The following TAF3 variants were observed in gnomAD, a reference collection of about 807,000 sequenced individuals.
TAF3 encodes transcription initiation factor TFIID subunit 3.
In TAF3, 7 loss-of-function variants were observed where a neutral mutation model predicts 80.6. The observed-to-expected ratio is 0.09, with a 90% confidence interval of 0.05 to 0.16. The LOEUF (loss-of-function observed/expected upper bound fraction) is 0.16. Among genes scored for constraint, TAF3 ranks in the 10% least tolerant of loss-of-function variants. The pLI is 1.00. For synonymous variants in TAF3, 444 were observed against 446.1 expected (o/e 1.00, Z 0.06); for missense variants, 921 against 1,140.2 (o/e 0.81, Z 2.77).
At chr10:7,897,644 T>TTCTC (rs147433457) in intron 2 of TAF3, among the ~76,000 whole-genome samples, 7 of 151,198 alleles carry the variant, frequency 4.6e-5, no homozygotes, top group African/African-American at 1.7e-4. Context: ...CTAGTTCCTA[T>TTCTC]TCTCTCTCTC....
chr10:7,829,929 A>C (rs900691651), intron 2 of TAF3, among the ~76,000 whole-genome samples: 1 of 152,252 alleles, frequency 6.6e-6, no homozygotes, highest in East Asian at 1.9e-4. Flanking sequence ...ACCCTTTAAA[A>C]GTAAACATTT....
intron 2 of TAF3, among the ~76,000 whole-genome samples, chr10:7,929,259 G>GTTT (rs35565870): frequency 3.4e-5 from 5 of 147,508 alleles, no homozygotes; most frequent in South Asian, 2.1e-4. Flanking sequence ...TTTTTTTGTT[G>GTTT]TTTTTTTTTT....
At chr10:7,877,891 CTAGT>C (rs1837325396) in intron 2 of TAF3, among the ~76,000 whole-genome samples, 1 of 152,116 alleles carries the variant, frequency 6.6e-6, no homozygotes, top group Non-Finnish European at 1.5e-5. Flanking sequence ...TGAGAAGGGA[CTAGT>C]TAATTTCTAT....
intron 2 of TAF3, among the ~76,000 whole-genome samples, chr10:7,915,781 C>G (rs1837706304): frequency 6.6e-6 from 1 of 151,750 alleles, no homozygotes; most frequent in Non-Finnish European, 1.5e-5. Flanking sequence ...GAGTTTGTGA[C>G]CAGCCTCGCC....
rs1335369107 is a variant in TAF3 at position 7,965,685 on chromosome 10, A to C, written c.2175A>C (p.Lys725Asn). 6.4e-7 allele frequency: 1 copy of C among 1,574,746 alleles called. No individual in the cohort carries two copies. Among genetic ancestry groups the C allele is most frequent in the Non-Finnish European group, 8.6e-7 (1 of 1,168,908 alleles). The change falls in exon 3 of 7, where the codon AAA becomes AAC. Residue 725 changes from lysine to asparagine, a missense_variant. Physicochemically the swap from Lys to Asn is moderately conservative, Grantham distance 94. Transcript: ENST00000344293. ...EKEKKEKERE[K>N]EKREREKREK... ...AGAAGAAGGAGAAGGAAAGAGAGAA[A>C]GAGAAGAGAGAGCGAGAGAAGAGAG...
intron 2 of TAF3, among the ~76,000 whole-genome samples, chr10:7,928,538 G>A (rs1478215274): frequency 6.6e-6 from 1 of 152,210 alleles, no homozygotes; most frequent in African/African-American, 2.4e-5. Context: ...GTTGACTCAA[G>A]GGTGTCATTA....
chr10:7,884,392 C>CTTTTTTTTTTTTTTTTT (rs61498355), intron 2 of TAF3, among the ~76,000 whole-genome samples: 2 of 120,512 alleles, frequency 1.7e-5, no homozygotes, highest in African/African-American at 2.9e-5. Flanking sequence ...GCTCTGCCTC[C>CTTTTTTTTTTTTTTTTT]TTTTTTTTTT....
intron 2 of TAF3, among the ~76,000 whole-genome samples, chr10:7,872,147 T>C (rs1837272436): frequency 6.6e-6 from 1 of 151,730 alleles, no homozygotes. Context: ...TTTCTTTTTT[T>C]AACCTGCAAA....
intron 2 of TAF3, among the ~76,000 whole-genome samples, chr10:7,946,514 A>C (rs940557152): frequency 6.6e-6 from 1 of 152,246 alleles, no homozygotes; most frequent in Non-Finnish European, 1.5e-5. Context: ...ATTTGAGCTC[A>C]GAAGTTTGAG....
At chr10:7,867,446 T>G (rs1837224949) in intron 2 of TAF3, among the ~76,000 whole-genome samples, 1 of 152,216 alleles carries the variant, frequency 6.6e-6, no homozygotes, top group Admixed American at 6.5e-5. Flanking sequence ...TCGCAAATAT[T>G]TCCTGATTCA....
chr10:7,862,064 A>C (rs141598778), intron 2 of TAF3, among the ~76,000 whole-genome samples: 1 of 152,124 alleles, frequency 6.6e-6, no homozygotes, highest in African/African-American at 2.4e-5. Flanking sequence ...TCTGCTACAC[A>C]TGCAGTTAAG....
At chr10:7,871,274 AT>A (rs1837262406) in intron 2 of TAF3, among the ~76,000 whole-genome samples, 1 of 151,948 alleles carries the variant, frequency 6.6e-6, no homozygotes, top group Admixed American at 6.6e-5. Context: ...AATGATGGCT[AT>A]TTCATTATTG....
At chr10:7,921,107 T>TA (rs1036811344) in intron 2 of TAF3, among the ~76,000 whole-genome samples, 2 of 152,042 alleles carry the variant, frequency 1.3e-5, no homozygotes, top group African/African-American at 4.8e-5. Context: ...GTTTTTTTTT[T>TA]ACTCTTTCTT....
intron 5 of TAF3, among the ~76,000 whole-genome samples, chr10:8,012,925 C>G (rs560087773): frequency 6.6e-6 from 1 of 152,284 alleles, no homozygotes; most frequent in South Asian, 2.1e-4. Context: ...TTACCTTTTT[C>G]TTATTGCTGG....
At chr10:7,910,700 A>C (rs1293826553) in intron 2 of TAF3, among the ~76,000 whole-genome samples, 2 of 152,156 alleles carry the variant, frequency 1.3e-5, no homozygotes, top group Non-Finnish European at 2.9e-5. Context: ...AATTTTAAAC[A>C]TGTTGAATTC....
chr10:7,883,911 G>T (rs1398280532), intron 2 of TAF3, among the ~76,000 whole-genome samples: 1 of 152,140 alleles, frequency 6.6e-6, no homozygotes, highest in Non-Finnish European at 1.5e-5. Context: ...GGCGGGGAGA[G>T]GGGACTCTCA....
At chr10:7,839,214 C>T (rs1420065556) in intron 2 of TAF3, among the ~76,000 whole-genome samples, 2 of 152,168 alleles carry the variant, frequency 1.3e-5, no homozygotes. Flanking sequence ...TCGTCCATCA[C>T]CATGCCCACC....
intron 2 of TAF3, among the ~76,000 whole-genome samples, chr10:7,877,881 T>A (rs1411720631): frequency 1.3e-5 from 2 of 152,196 alleles, no homozygotes; most frequent in Non-Finnish European, 2.9e-5. Flanking sequence ...TGTGTTATTT[T>A]GAGAAGGGAC....
intron 2 of TAF3, among the ~76,000 whole-genome samples, chr10:7,873,109 TTA>T (rs1202117694): frequency 6.6e-6 from 1 of 152,178 alleles, no homozygotes; most frequent in Non-Finnish European, 1.5e-5. Context: ...TTTAATATGT[TTA>T]TAATTAATTT....
Sources: allele counts gnomAD v4.1 joint callset (sites outside exome capture counted in the v4.1 genomes callset), GRCh38; gene constraint gnomAD v4.1.1; transcripts MANE v1.5; gene names NCBI Gene and HGNC (gene_info 2026-07-23, HGNC 2026-07-21).